Variants in IGSF10 observed in about 807,000 individuals in gnomAD.
IGSF10 encodes calvaria mechanical force protein 608.
Under a neutral mutation model 128.2 loss-of-function variants are expected in IGSF10, and 126 were observed. The observed-to-expected ratio is 0.98, with a 90% CI of 0.85 to 1.14. The LOEUF (loss-of-function observed/expected upper bound fraction) is 1.14, where lower values mean the gene tolerates loss of function less well. Ranked by LOEUF, IGSF10 falls within the 50% of genes most tolerant of loss-of-function variation. The pLI, the probability that IGSF10 is intolerant of heterozygous loss-of-function variation, is 0.00. For synonymous variants in IGSF10, 1,185 were observed against 1,146.2 expected (o/e 1.03, Z -0.68); for missense variants, 3,295 against 3,149.8 (o/e 1.05, Z -1.10).
the IGSF10 span, among the ~76,000 whole-genome samples, chr3:151,554,510 C>T: frequency 2.0e-5 from 3 of 147,746 alleles, no homozygotes; most frequent in Non-Finnish European, 4.4e-5. Context: ...GCCTAACTCT[C>T]ATAGTTCATT....
chr3:151,453,621 A>C lies in IGSF10; in HGVS notation c.478T>G (p.Leu160Val). Residue 160 changes from leucine (L) to valine (V), a missense_variant, in exon 5 of 8, where the codon TTG becomes GTG. Coordinates refer to ENST00000282466, the MANE Select transcript of IGSF10 (RefSeq NM_178822.5). ...YGLNFLRLVH[L>V]EGNQLTKLHP... ...AGCTTAGTGAGCTGATTTCCTTCCA[A>C]GTGCACCAGGCGGAGAAAGTTGAGC... The C allele has an allele frequency of 1.9e-6, 3 of 1,614,106 alleles. No individual in the cohort carries two copies. The highest frequency in any genetic ancestry group is 1.7e-6 in the Non-Finnish European group (2 of 1,179,940).
chr3:151,518,012 T>G, the IGSF10 span, among the ~76,000 whole-genome samples: 3 of 151,980 alleles, frequency 2.0e-5, no homozygotes, highest in Non-Finnish European at 4.4e-5. Context: ...ATGGTTTTGG[T>G]GCTTTCAATG....
rs1292014393 is a variant in IGSF10, at chr3:151,446,242, C to T, written c.3739G>A (p.Val1247Ile). The change falls in exon 6 of 8, where the codon GTC becomes ATC. Residue 1247 changes from valine to isoleucine, a missense_variant. Physicochemically the swap from Val to Ile is conservative, Grantham distance 29 (BLOSUM62 3). Coordinates refer to ENST00000282466, the MANE Select transcript of IGSF10 (RefSeq NM_178822.5). The stretch of plus-strand genomic sequence containing the variant: ...AGTGTGGTGAAATGGAAAGGGGAGA[C>T]TTTGTCTCTGGGTAAAGCAGGAGAT... ...KTSPALPRDKVSPFHFTTLST... is the reference protein window; with the variant it reads ...KTSPALPRDKISPFHFTTLST... 4 of 1,613,770 alleles carry T rather than the reference C, an allele frequency of 2.5e-6. No individual in the cohort carries two copies. Among genetic ancestry groups the T allele is most frequent in the Middle Eastern group, 1.6e-4 (1 of 6,062 alleles).
the IGSF10 span, among the ~76,000 whole-genome samples, chr3:151,555,782 C>A: frequency 4.6e-5 from 7 of 152,194 alleles, no homozygotes; most frequent in Non-Finnish European, 1.0e-4. Context: ...ATGCTTTGAA[C>A]ACAAAACAGG....
chr3:151,524,348 A>G, the IGSF10 span, among the ~76,000 whole-genome samples: 2 of 152,168 alleles, frequency 1.3e-5, no homozygotes, highest in African/African-American at 2.4e-5. Flanking sequence ...CTGCAGCACT[A>G]TTCACAATAG....
At chr3:151,617,289 C>T in the IGSF10 span, among the ~76,000 whole-genome samples, 1 of 122,948 alleles carries the variant, frequency 8.1e-6, no homozygotes, top group African/African-American at 3.4e-5. Context: ...TCTTCTTCTT[C>T]TTCTTCTTCT....
chr3:151,434,705 C>CATT (rs1260847408), downstream of IGSF10: 9 of 152,332 alleles, frequency 5.9e-5, no homozygotes, highest in African/African-American at 1.9e-4. Flanking sequence ...CATGTTCCAT[C>CATT]ATTATTTCTT....
At chr3:151,545,187 T>A in the IGSF10 span, among the ~76,000 whole-genome samples, 226 of 152,254 alleles carry the variant, frequency 1.5e-3, no homozygotes, top group Non-Finnish European at 2.9e-3. Context: ...CTGGGCTTGA[T>A]TTTCTATTAT....
chr3:151,497,752 A>G, the IGSF10 span, among the ~76,000 whole-genome samples: 7 of 152,104 alleles, frequency 4.6e-5, no homozygotes, highest in African/African-American at 9.7e-5. Context: ...CATTGAATCT[A>G]TGAATTACTT....
the IGSF10 span, among the ~76,000 whole-genome samples, chr3:151,520,369 A>G: frequency 6.6e-6 from 1 of 151,838 alleles, no homozygotes; most frequent in Non-Finnish European, 1.5e-5. Flanking sequence ...AGTTTAAGAG[A>G]ATGAAAGAGA....
At chr3:151,507,928 C>G in the IGSF10 span, among the ~76,000 whole-genome samples, 1 of 5,132 alleles carries the variant, frequency 1.9e-4, no homozygotes, top group South Asian at 5.1e-3. Flanking sequence ...ATTTGAAGGT[C>G]TGTCAATAAA....
At chr3:151,542,059 A>G in the IGSF10 span, among the ~76,000 whole-genome samples, 1 of 152,232 alleles carries the variant, frequency 6.6e-6, no homozygotes, top group East Asian at 1.9e-4. Context: ...TTCCCAGGTG[A>G]TCTTATTTAT....
the IGSF10 span, among the ~76,000 whole-genome samples, chr3:151,586,081 G>A: frequency 4.0e-5 from 6 of 151,372 alleles, no homozygotes; most frequent in South Asian, 1.0e-3. Flanking sequence ...CCGAGCTCAA[G>A]CAATCCTCCC....
chr3:151,593,509 C>T, the IGSF10 span, among the ~76,000 whole-genome samples: 2 of 151,216 alleles, frequency 1.3e-5, no homozygotes, highest in East Asian at 3.9e-4. Flanking sequence ...CTTTTGATTA[C>T]CATGTTGTTT....
chr3:151,461,563 T>C (rs891009943), upstream of IGSF10: 11 of 369,186 alleles, frequency 3.0e-5, no homozygotes, highest in Non-Finnish European at 3.6e-5. Context: ...AACATATCCA[T>C]CATCTCACAT....
the IGSF10 span, among the ~76,000 whole-genome samples, chr3:151,568,488 G>A: frequency 6.6e-6 from 1 of 152,156 alleles, no homozygotes; most frequent in African/African-American, 2.4e-5. Flanking sequence ...AGAAATGCCT[G>A]AATCACGATT....
At chr3:151,465,409 C>T (rs1491975), upstream of IGSF10, among the ~76,000 whole-genome samples, 109,937 of 152,112 alleles carry the variant, frequency 0.72, 39,963 homozygotes, top group Middle Eastern at 0.95. Flanking sequence ...GTACTCTGGT[C>T]GCTGTAAATG....
At position 151,446,185 on chromosome 3, in the gene IGSF10, T is replaced by A. The variant is rs115036956; in HGVS notation, c.3796A>T (p.Thr1266Ser). ...GTAGTGTGGTGAGCGGTAGTCAAGG[T>A]ATTAGATGGAATTTGCATCACACTT... is the stretch of plus-strand genomic sequence containing the variant. ...STSVMQIPSN[T>S]LTTAHHTTTK... The change falls in exon 6 of 8, where the codon ACC (threonine) becomes TCC (serine). Residue 1266 changes from threonine (T) to serine (S), a missense_variant. Physicochemically the swap from Thr to Ser is moderately conservative, Grantham distance 58. Transcript: ENST00000282466. 7.1e-4 allele frequency: 1,152 copies of A among 1,613,956 alleles called. 1 individual carries two copies. Among genetic ancestry groups the A allele is most frequent in the Non-Finnish European group, 9.5e-4 (1,125 of 1,179,922 alleles).
At chr3:151,499,008 T>C in the IGSF10 span, among the ~76,000 whole-genome samples, 1 of 152,150 alleles carries the variant, frequency 6.6e-6, no homozygotes, top group Non-Finnish European at 1.5e-5. Flanking sequence ...ATTCTTAATA[T>C]GCAAAGGAAG....
Sources: gnomAD v4.1 joint callset for allele counts (sites outside exome capture counted in the v4.1 genomes callset) on GRCh38, gnomAD v4.1.1 for gene constraint, MANE v1.5 for transcripts, NCBI Gene and HGNC (gene_info 2026-07-23, HGNC 2026-07-21) for gene names.